The following PRDM16 variants were observed in gnomAD, a reference collection of about 807,000 sequenced individuals.
PRDM16 encodes histone-lysine N-methyltransferase PRDM16.
A neutral mutation model predicts 110.6 loss-of-function variants in PRDM16; 23 were observed. The observed-to-expected ratio is 0.21, with a 90% CI of 0.15 to 0.29. The LOEUF (loss-of-function observed/expected upper bound fraction) is 0.29, where lower values mean the gene tolerates loss of function less well. PRDM16 is among the 10% of genes least tolerant of loss of function. The probability of loss-of-function intolerance (pLI) is 1.00; values close to 1 mark genes in which losing one functional copy is unlikely to be tolerated. For missense variants in PRDM16, 1,615 were observed against 1,794.3 expected (o/e 0.90, Z 1.81); for synonymous variants, 799 against 781.8 (o/e 1.02, Z -0.37).
chr1:3,393,949 AG>A (rs1317690900), intron 4 of PRDM16, among the ~76,000 whole-genome samples: 1 of 152,042 alleles, frequency 6.6e-6, no homozygotes, highest in African/African-American at 2.4e-5. Context: ...CTCCTCCTGC[AG>A]GTCCAGGGCC....
intron 1 of PRDM16, among the ~76,000 whole-genome samples, chr1:3,184,725 C>T (rs1016538413): frequency 3.3e-5 from 5 of 152,170 alleles, no homozygotes; most frequent in Non-Finnish European, 5.9e-5. Flanking sequence ...CACCCCCACC[C>T]CAGTCCCCGA....
At position 3,312,207 on chromosome 1, in the gene PRDM16, G is replaced by A. The variant is rs551561134; in HGVS notation, c.438+68070G>A. Among the ~76,000 whole-genome samples the A allele has an allele frequency of 1.2e-4, 18 of 152,286 alleles. No homozygotes were observed. In the East Asian group the frequency reaches 3.3e-3, roughly 28 times the overall value. ...CACAGAGCTCGGCCTGGCCCATCTCGGGCCCTCAGTGGACATCCATGGCGC... is the reference window on the plus strand; with the variant it reads ...CACAGAGCTCGGCCTGGCCCATCTCAGGCCCTCAGTGGACATCCATGGCGC... On this transcript the variant is annotated intron_variant, in intron 3 of 16. Coordinates refer to ENST00000270722, the MANE Select transcript of PRDM16 (RefSeq NM_022114.4).
intron 3 of PRDM16, among the ~76,000 whole-genome samples, chr1:3,295,769 G>A (rs1006107576): frequency 6.6e-6 from 1 of 152,162 alleles, no homozygotes; most frequent in Non-Finnish European, 1.5e-5. Flanking sequence ...CCAGAATTCT[G>A]TAGGCTGAAG....
intron 3 of PRDM16, among the ~76,000 whole-genome samples, chr1:3,360,814 G>A (rs1186521292): frequency 2.0e-5 from 3 of 152,176 alleles, no homozygotes; most frequent in Admixed American, 6.5e-5. Flanking sequence ...CATCCCACCC[G>A]CCTGGCTCCC....
intron 1 of PRDM16, among the ~76,000 whole-genome samples, chr1:3,095,958 C>A (rs954335846): frequency 1.3e-5 from 2 of 152,064 alleles, no homozygotes; most frequent in Non-Finnish European, 2.9e-5. Context: ...GAACGTCACA[C>A]TCCCTCCCTC....
intron 1 of PRDM16, among the ~76,000 whole-genome samples, chr1:3,119,401 C>T (rs372243224): frequency 6.6e-6 from 1 of 152,240 alleles, no homozygotes; most frequent in Admixed American, 6.5e-5. Flanking sequence ...TGAGAGGATG[C>T]GGGGAGGAGG....
rs1277487948 is a variant in PRDM16, at chr1:3,148,865, G to GT, written c.38-37258dup. ...TTAATTTATTTTTAAGATTTAGTGTGTTGTGGGGGTTCATCGTTCCAAAAA... is the reference window on the plus strand; with the variant it reads ...TTAATTTATTTTTAAGATTTAGTGTGTTTGTGGGGGTTCATCGTTCCAAAAA... On this transcript the variant is annotated intron_variant, in intron 1 of 16. Transcript: ENST00000270722. This position sits in a 1 kb window ranked among gnomAD's most constrained non-coding sequence, Gnocchi z 5.0. 6.6e-6 allele frequency among the ~76,000 whole-genome samples: 1 copy of GT among 152,210 alleles called. No individual in the cohort carries two copies. Among genetic ancestry groups the GT allele is most frequent in the Non-Finnish European group, 1.5e-5 (1 of 68,032 alleles).
chr1:3,085,198 C>T (rs180701163), intron 1 of PRDM16, among the ~76,000 whole-genome samples: 3 of 152,322 alleles, frequency 2.0e-5, no homozygotes, highest in Admixed American at 6.5e-5. Context: ...GGCAGTGCAG[C>T]CTTGGGAAGA....
intron 3 of PRDM16, among the ~76,000 whole-genome samples, chr1:3,279,780 G>T (rs1378646190): frequency 6.6e-6 from 1 of 151,992 alleles, no homozygotes; most frequent in Non-Finnish European, 1.5e-5. Flanking sequence ...ATTGCCTGAG[G>T]ACCAGAGCCT....
intron 3 of PRDM16, among the ~76,000 whole-genome samples, chr1:3,362,392 G>A (rs375721912): frequency 4.6e-5 from 7 of 152,182 alleles, no homozygotes; most frequent in East Asian, 1.9e-4. Flanking sequence ...GGCTCACAAC[G>A]GGCGGTCATG....
intron 1 of PRDM16, among the ~76,000 whole-genome samples, chr1:3,118,151 A>G (rs750203770): frequency 6.6e-6 from 1 of 151,188 alleles, no homozygotes; most frequent in Non-Finnish European, 1.5e-5. Context: ...ATGTGTGTGC[A>G]TGCTCATGCT....
At position 3,201,716 on chromosome 1, in the gene PRDM16, T is replaced by C. The variant is rs1638632286; in HGVS notation, c.387+15242T>C. On this transcript the variant is annotated intron_variant, in intron 2 of 16. Coordinates refer to ENST00000270722, the MANE Select transcript of PRDM16 (RefSeq NM_022114.4). This position sits in a 1 kb window ranked among gnomAD's most constrained non-coding sequence, Gnocchi z 4.1. ...GGGCAGGACCTCCCCGCTTGGATGCTGGTGACACATTCTTCAGCTGGAGCC... is the reference window on the plus strand; with the variant it reads ...GGGCAGGACCTCCCCGCTTGGATGCCGGTGACACATTCTTCAGCTGGAGCC... Among the ~76,000 whole-genome samples, 1 of 152,236 alleles carries C rather than the reference T, an allele frequency of 6.6e-6. No individual in the cohort carries two copies. The highest frequency in any genetic ancestry group is 1.5e-5 in the Non-Finnish European group (1 of 68,038).
At chr1:3,231,342 G>T (rs2100885952) in intron 2 of PRDM16, among the ~76,000 whole-genome samples, 1 of 152,348 alleles carries the variant, frequency 6.6e-6, no homozygotes, top group Middle Eastern at 3.4e-3. Flanking sequence ...ATAGGTGAGT[G>T]ATGGGCCAGG....
intron 2 of PRDM16, among the ~76,000 whole-genome samples, chr1:3,233,015 G>C (rs756993517): frequency 8.5e-5 from 13 of 152,188 alleles, no homozygotes; most frequent in Non-Finnish European, 1.6e-4. Context: ...TCAATTTCCA[G>C]GTCATTTCTA....
At chr1:3,405,004 G>T in intron 7 of PRDM16, 118 bp downstream of exon 7, 1 of 1,152,072 alleles carries the variant, frequency 8.7e-7, no homozygotes, top group Non-Finnish European at 1.2e-6. Context: ...GGCAGAGTGG[G>T]TAGGAGGCCC....
intron 1 of PRDM16, among the ~76,000 whole-genome samples, chr1:3,126,740 C>T (rs1643216904): frequency 6.6e-6 from 1 of 152,240 alleles, no homozygotes; most frequent in African/African-American, 2.4e-5. Flanking sequence ...GTGGGCTCCC[C>T]ACTGGGCCTG....
chr1:3,090,413 G>C (rs921320787), intron 1 of PRDM16, among the ~76,000 whole-genome samples: 28 of 152,344 alleles, frequency 1.8e-4, no homozygotes, highest in African/African-American at 6.7e-4. Flanking sequence ...GCCGCCGTTC[G>C]GCAGGCCTGG....
chr1:3,101,091 G>A (rs1249992112), intron 1 of PRDM16, among the ~76,000 whole-genome samples: 1 of 152,144 alleles, frequency 6.6e-6, no homozygotes, highest in African/African-American at 2.4e-5. Flanking sequence ...CATCTCGCCC[G>A]GCTGGCACAC....
chr1:3,429,711 G>C (rs889119441), intron 14 of PRDM16, among the ~76,000 whole-genome samples: 1 of 152,238 alleles, frequency 6.6e-6, no homozygotes, highest in Non-Finnish European at 1.5e-5. Flanking sequence ...GACCAGGACC[G>C]AGGAACTCTC....
Sources: gnomAD v4.1 joint callset for allele counts (sites outside exome capture counted in the v4.1 genomes callset) on GRCh38, gnomAD v4.1.1 for gene constraint, Gnocchi (gnomAD v3.1) non-coding constraint, MANE v1.5 for transcripts, NCBI Gene and HGNC (gene_info 2026-07-23, HGNC 2026-07-21) for gene names.